Variants in ARID1B observed in about 807,000 individuals in gnomAD.
ARID1B encodes the protein AT-rich interactive domain-containing protein 1B.
Under a neutral mutation model 212.3 loss-of-function variants are expected in ARID1B, and 30 were observed. The observed-to-expected ratio is 0.14, with a 90% CI of 0.11 to 0.19. ARID1B has a LOEUF of 0.19. Ranked by LOEUF, ARID1B falls within the 10% of genes least tolerant of loss-of-function variation. The probability of loss-of-function intolerance (pLI) is 1.00; values close to 1 mark genes in which losing one functional copy is unlikely to be tolerated. For missense variants in ARID1B, 2,891 were observed against 3,204.0 expected, an observed-to-expected ratio of 0.90 and a Z score of 2.36; for synonymous variants, 1,402 against 1,301.7, an observed-to-expected ratio of 1.08 and a Z score of -1.66.
chr6:156,778,301 G>A lies in ARID1B; in HGVS notation c.621G>A (p.Gln207=), dbSNP rs1291761395. Residue 207 remains glutamine (Q), a synonymous_variant, in exon 1 of 20, where the codon CAG becomes CAA. Coordinates refer to ENST00000636930, the MANE Select transcript of ARID1B (RefSeq NM_001374828.1). ...QQQQQQQQQQ[Q]QQQQQQQHPI... ...AGCAGCAGCAGCAGCAACAGCAGCA[G>A]CAGCAGCAGCAGCAACAGCAACATC... The A allele has an allele frequency of 1.9e-6, 3 of 1,544,140 alleles. No individual in the cohort carries two copies. Among genetic ancestry groups the A allele is most frequent in the Non-Finnish European group, 8.7e-7 (1 of 1,146,168 alleles).
intron 2 of ARID1B, among the ~76,000 whole-genome samples, chr6:156,885,479 G>T (rs911229506): frequency 6.6e-6 from 1 of 152,190 alleles, no homozygotes; most frequent in Non-Finnish European, 1.5e-5. Flanking sequence ...TCTACCTTCA[G>T]TAAGTCCTCC....
intron 8 of ARID1B, among the ~76,000 whole-genome samples, chr6:157,163,018 T>C (rs988224122): frequency 6.6e-6 from 1 of 152,190 alleles, no homozygotes; most frequent in African/African-American, 2.4e-5. Context: ...GGGTACAGCT[T>C]AGGTTTCTGT....
In ARID1B at chr6:157,124,409, A is replaced by G. The variant is rs79302435; in HGVS notation, c.2582-8619A>G. On this transcript the variant is annotated intron_variant, in intron 6 of 19. Coordinates refer to ENST00000636930, the MANE Select transcript of ARID1B (RefSeq NM_001374828.1). ...AGCAGTATGCTAACTGCACGGCCAC[A>G]GCTAACATACGTGGTGCTTTTCATG... is the stretch of plus-strand genomic sequence containing the variant. Among the ~76,000 whole-genome samples the G allele has an allele frequency of 3.5e-3, 530 of 152,362 alleles. 11 individuals carry two copies. The highest frequency in any genetic ancestry group is 0.011 in the East Asian group (57 of 5,188).
In ARID1B at chr6:157,148,540, G is replaced by A; in HGVS notation, c.2762-84G>A. 2.1e-6 allele frequency: 3 copies of A among 1,437,378 alleles called. No individual in the cohort carries two copies. Among genetic ancestry groups the A allele is most frequent in the South Asian group, 1.3e-5 (1 of 77,378 alleles). 89.0% of individuals were successfully genotyped at this position (1,437,378 alleles called of 1,614,324 possible). A position where few individuals can be genotyped will look rare whatever the true frequency, so the allele number is the denominator to read the frequency against. On this transcript the variant is annotated intron_variant, in intron 7 of 19. Coordinates refer to ENST00000636930, the MANE Select transcript of ARID1B (RefSeq NM_001374828.1). The surrounding 1 kb of genome is among the most constrained non-coding windows in gnomAD (Gnocchi z 5.6). Reference sequence around the variant, plus strand: ...TCATGACTAATACTCCGTGCTGATCGCATTGTTGGACAAAAAGTATTTCCA... The same window carrying A: ...TCATGACTAATACTCCGTGCTGATCACATTGTTGGACAAAAAGTATTTCCA...
chr6:157,143,463 C>G (rs1300095769), intron 7 of ARID1B, among the ~76,000 whole-genome samples: 1 of 147,398 alleles, frequency 6.8e-6, no homozygotes, highest in African/African-American at 2.6e-5. Flanking sequence ...CATTTTTCAC[C>G]CCATGCACAC....
chr6:157,038,477 A>G (rs976456392), intron 4 of ARID1B, among the ~76,000 whole-genome samples: 2 of 152,216 alleles, frequency 1.3e-5, no homozygotes, highest in Non-Finnish European at 2.9e-5. Context: ...CTGAGGTTAC[A>G]AATGTAGCAC....
chr6:156,796,732 A>G (rs1780407848), intron 1 of ARID1B, among the ~76,000 whole-genome samples: 1 of 152,288 alleles, frequency 6.6e-6, no homozygotes, highest in East Asian at 1.9e-4. Flanking sequence ...GCCATATTAC[A>G]AGGACAGAGT....
In ARID1B at chr6:156,777,767, C is replaced by T. The variant is rs1159456421; in HGVS notation, c.87C>T (p.Pro29=). ...RAGSGERRAP[P]GPRPAPGARD... ...GCAGCGGCGAACGGCGGGCGCCCCC[C>T]GGGCCGCGGCCGGCGCCCGGAGCCC... Residue 29 remains proline, a synonymous_variant, in exon 1 of 20, where the codon CCC becomes CCT. Transcript: ENST00000636930. 2 of 751,296 alleles carry T rather than the reference C, an allele frequency of 2.7e-6. No homozygotes were observed. Among genetic ancestry groups the T allele is most frequent in the Non-Finnish European group, 3.2e-6 (2 of 620,442 alleles). The allele number at this position is 751,296 out of a possible 1,614,324, so 46.5% of individuals were successfully genotyped here.
intron 4 of ARID1B, chr6:157,036,806 C>T (rs1192841334): frequency 4.1e-6 from 2 of 492,820 alleles, no homozygotes. Flanking sequence ...TTGATAGTGC[C>T]TAAATTATGT....
At chr6:156,881,153 G>A (rs1451567985) in intron 2 of ARID1B, among the ~76,000 whole-genome samples, 1 of 152,202 alleles carries the variant, frequency 6.6e-6, no homozygotes, top group Non-Finnish European at 1.5e-5. Flanking sequence ...CCTGGGTGGG[G>A]CCTGCATGGC....
intron 8 of ARID1B, chr6:157,149,336 A>C: frequency 9.8e-6 from 2 of 203,206 alleles, no homozygotes; most frequent in Non-Finnish European, 1.0e-5. Flanking sequence ...AAACATTCAA[A>C]AGGAACACAC....
chr6:156,856,236 C>G (rs1365775268), intron 2 of ARID1B, among the ~76,000 whole-genome samples: 2 of 152,172 alleles, frequency 1.3e-5, no homozygotes, highest in Non-Finnish European at 2.9e-5. Context: ...TATGTTTCAG[C>G]AAATACGTTC....
At chr6:157,046,599 G>A (rs954271094) in intron 4 of ARID1B, among the ~76,000 whole-genome samples, 1 of 152,120 alleles carries the variant, frequency 6.6e-6, no homozygotes, top group African/African-American at 2.4e-5. Flanking sequence ...TTTACCATTT[G>A]TTAGTCTTCC....
chr6:156,923,113 G>A (rs575031387), intron 3 of ARID1B, among the ~76,000 whole-genome samples: 11 of 152,268 alleles, frequency 7.2e-5, no homozygotes, highest in Admixed American at 2.6e-4. Flanking sequence ...GACCATCCCT[G>A]GCCCAAGGAG....
In ARID1B at chr6:157,207,312, G is replaced by A. The variant is rs770779367; in HGVS notation, c.6540G>A (p.Val2180=). Residue 2180 remains valine, a synonymous_variant, in exon 20 of 20, where the codon GTG becomes GTA. Coordinates refer to ENST00000636930, the MANE Select transcript of ARID1B (RefSeq NM_001374828.1). The surrounding 1 kb of genome is among the most constrained non-coding windows in gnomAD (Gnocchi z 8.5). ...PILDGLLHWM[V]CPSAEAQDPF... ...TGGATGGCTTGCTGCACTGGATGGT[G>A]TGCCCGTCTGCAGAGGCACAAGATC... 6 of 1,613,970 alleles carry A rather than the reference G, an allele frequency of 3.7e-6. No homozygotes were observed. The highest frequency in any genetic ancestry group is 5.1e-6 in the Non-Finnish European group (6 of 1,179,860).
chr6:156,860,742 T>G (rs1200189156), intron 2 of ARID1B, among the ~76,000 whole-genome samples: 1 of 152,212 alleles, frequency 6.6e-6, no homozygotes, highest in East Asian at 1.9e-4. Flanking sequence ...TTCATTAAGA[T>G]GTTAATAATA....
chr6:156,998,627 AC>A (rs1265123044), intron 4 of ARID1B, among the ~76,000 whole-genome samples: 1 of 152,178 alleles, frequency 6.6e-6, no homozygotes, highest in Non-Finnish European at 1.5e-5. Context: ...CAGCAGCCTC[AC>A]ACCAGTGGAC....
chr6:156,957,821 C>A (rs185205869), intron 4 of ARID1B, among the ~76,000 whole-genome samples: 1 of 152,172 alleles, frequency 6.6e-6, no homozygotes, highest in Admixed American at 6.5e-5. Context: ...AGTAGGGGTT[C>A]TGCTGATGGA....
chr6:157,092,988 T>C (rs1180642105), intron 5 of ARID1B, among the ~76,000 whole-genome samples: 1 of 152,222 alleles, frequency 6.6e-6, no homozygotes. Flanking sequence ...CTGTCCCTGC[T>C]CTGAACCTCT....
Sources: gnomAD v4.1 joint callset for allele counts (sites outside exome capture counted in the v4.1 genomes callset) on GRCh38, gnomAD v4.1.1 for gene constraint, Gnocchi (gnomAD v3.1) non-coding constraint, MANE v1.5 for transcripts, NCBI Gene and HGNC (gene_info 2026-07-23, HGNC 2026-07-21) for gene names.